Variants in GABRB1 observed in about 807,000 individuals in gnomAD.
GABRB1 encodes gamma-aminobutyric acid type A receptor subunit beta1.
GABRB1 carries 17 observed loss-of-function variants against 51.6 expected under a neutral mutation model. That is an observed-to-expected ratio of 0.33 (90% CI 0.23 to 0.49). GABRB1 has a LOEUF of 0.49. Ranked by LOEUF, GABRB1 falls within the 20% of genes least tolerant of loss-of-function variation. The pLI is 0.99. For synonymous variants in GABRB1, 247 were observed against 218.9 expected (o/e 1.13, Z -1.14); for missense variants, 410 against 600.6 (o/e 0.68, Z 3.32).
At chr4:47,147,220 C>A (rs1228512786) in intron 3 of GABRB1, among the ~76,000 whole-genome samples, 10 of 152,054 alleles carry the variant, frequency 6.6e-5, no homozygotes, top group Non-Finnish European at 1.3e-4. Context: ...TGGTCCTCCT[C>A]AAGTATTTAC....
At chr4:47,281,911 G>A (rs1043858802) in intron 4 of GABRB1, among the ~76,000 whole-genome samples, 1 of 152,138 alleles carries the variant, frequency 6.6e-6, no homozygotes, top group Admixed American at 6.5e-5. Flanking sequence ...ACAAAATGTT[G>A]ATCAAAGGAT....
intron 4 of GABRB1, among the ~76,000 whole-genome samples, chr4:47,293,841 C>A (rs1333330131): frequency 6.6e-6 from 1 of 152,150 alleles, no homozygotes; most frequent in Non-Finnish European, 1.5e-5. Flanking sequence ...TTGTATTTCA[C>A]AAAGAAAACT....
intron 3 of GABRB1, among the ~76,000 whole-genome samples, chr4:47,038,308 C>T (rs1350350935): frequency 6.6e-6 from 1 of 152,142 alleles, no homozygotes; most frequent in Non-Finnish European, 1.5e-5. Context: ...ATGGCATCCT[C>T]ATCCAACTTT....
intron 5 of GABRB1, among the ~76,000 whole-genome samples, chr4:47,396,695 G>A (rs1475464124): frequency 6.6e-6 from 1 of 152,100 alleles, no homozygotes; most frequent in Non-Finnish European, 1.5e-5. Flanking sequence ...TCTTAAAATA[G>A]GAGTTGCTTG....
intron 4 of GABRB1, among the ~76,000 whole-genome samples, chr4:47,166,747 A>C (rs930267110): frequency 2.0e-5 from 3 of 152,004 alleles, no homozygotes; most frequent in African/African-American, 7.2e-5. Context: ...ATTTCTCTAA[A>C]ATTCAAATAT....
chr4:47,077,950 T>C (rs1423420969), intron 3 of GABRB1, among the ~76,000 whole-genome samples: 2 of 95,910 alleles, frequency 2.1e-5, no homozygotes, highest in Non-Finnish European at 4.3e-5. Context: ...TTATATATAT[T>C]ATATATTTTA....
At chr4:46,999,067 G>T (rs1019727674) in intron 1 of GABRB1, among the ~76,000 whole-genome samples, 1 of 152,090 alleles carries the variant, frequency 6.6e-6, no homozygotes, top group African/African-American at 2.4e-5. Flanking sequence ...TGATACTATT[G>T]TTAAGAAACA....
chr4:47,112,725 G>T (rs1020813292), intron 3 of GABRB1, among the ~76,000 whole-genome samples: 1 of 151,304 alleles, frequency 6.6e-6, no homozygotes, highest in East Asian at 1.9e-4. Context: ...CCTACCTTGT[G>T]TCAAGCACTG....
chr4:47,031,385 A>G (rs1577839836), upstream of GABRB1: 1 of 511,880 alleles, frequency 2.0e-6, no homozygotes, highest in Non-Finnish European at 3.5e-6. Context: ...CTCCGTTTAC[A>G]CATGCTCGTA....
chr4:47,378,628 G>T (rs995104468), intron 5 of GABRB1, among the ~76,000 whole-genome samples: 1 of 152,152 alleles, frequency 6.6e-6, no homozygotes, highest in Non-Finnish European at 1.5e-5. Context: ...AGGACTACAG[G>T]CATGCACCAC....
At chr4:47,175,093 T>TTTCC (rs913498901) in intron 4 of GABRB1, among the ~76,000 whole-genome samples, 2 of 145,668 alleles carry the variant, frequency 1.4e-5, no homozygotes, top group African/African-American at 2.5e-5. Context: ...CCCTTGTTTG[T>TTTCC]TTCCTTCCTT....
chr4:47,241,978 C>T (rs1204801965), intron 4 of GABRB1, among the ~76,000 whole-genome samples: 4 of 151,998 alleles, frequency 2.6e-5, no homozygotes, highest in African/African-American at 7.3e-5. Context: ...TGTTGGTGTG[C>T]TGTACCCGTT....
chr4:47,305,775 C>A (rs894070056), intron 4 of GABRB1, among the ~76,000 whole-genome samples: 8 of 152,240 alleles, frequency 5.3e-5, no homozygotes, highest in Non-Finnish European at 8.8e-5. Context: ...GGTATAGAGT[C>A]AATGTGATGG....
intron 4 of GABRB1, among the ~76,000 whole-genome samples, chr4:47,180,843 A>G (rs1007856827): frequency 1.3e-5 from 2 of 152,084 alleles, no homozygotes; most frequent in Admixed American, 6.6e-5. Context: ...ACTTTCTAAG[A>G]TATTTTTACA....
intron 5 of GABRB1, among the ~76,000 whole-genome samples, chr4:47,342,103 T>A (rs1202379839): frequency 1.3e-5 from 2 of 152,194 alleles, no homozygotes; most frequent in African/African-American, 2.4e-5. Context: ...AGTGAGCATA[T>A]CCTATGCTGT....
intron 4 of GABRB1, among the ~76,000 whole-genome samples, chr4:47,169,377 C>T (rs942954191): frequency 6.6e-6 from 1 of 152,118 alleles, no homozygotes; most frequent in African/African-American, 2.4e-5. Context: ...CAAATGTGAC[C>T]ACCAAGGGTT....
intron 5 of GABRB1, among the ~76,000 whole-genome samples, chr4:47,390,427 G>A (rs1727946428): frequency 6.6e-6 from 1 of 152,216 alleles, no homozygotes; most frequent in Admixed American, 6.5e-5. Flanking sequence ...GCACAGTGGG[G>A]AGTAATTTTT....
Position 47,317,650 on chromosome 4 carries a change from T to A in GABRB1, c.462-2477T>A, listed in dbSNP as rs144439501. ...ATAAATTCAAGTAAATTAACCAATG[T>A]CCTAAGAAAGGCTTCAAAAGGTATG... On this transcript the variant is annotated intron_variant, in intron 4 of 8. Coordinates refer to ENST00000295454, the MANE Select transcript of GABRB1 (RefSeq NM_000812.4). 5.9e-5 allele frequency among the ~76,000 whole-genome samples: 9 copies of A among 152,056 alleles called. No individual in the cohort carries two copies. The East Asian group carries it at 1.7e-3, about 29-fold the overall frequency.
At chr4:47,313,765 A>C (rs994930915) in intron 4 of GABRB1, among the ~76,000 whole-genome samples, 1 of 152,196 alleles carries the variant, frequency 6.6e-6, no homozygotes, top group South Asian at 2.1e-4. Context: ...TAGATTCATG[A>C]ATATGTGCTT....
Sources: allele counts gnomAD v4.1 joint callset (sites outside exome capture counted in the v4.1 genomes callset), GRCh38; gene constraint gnomAD v4.1.1; transcripts MANE v1.5; gene names NCBI Gene and HGNC (gene_info 2026-07-23, HGNC 2026-07-21).